The following DHRSX variants were observed in gnomAD, a reference collection of about 807,000 sequenced individuals.
DHRSX encodes polyprenol dehydrogenase.
In DHRSX, 31 loss-of-function variants were observed where a neutral mutation model predicts 34.0. That is an observed-to-expected ratio of 0.91 (90% confidence interval 0.69 to 1.23). The LOEUF (loss-of-function observed/expected upper bound fraction) is 1.23, where lower values mean the gene tolerates loss of function less well. Among genes scored for constraint, DHRSX ranks in the 50% most tolerant of loss-of-function variants. The pLI is 0.00. For missense variants in DHRSX, 414 were observed against 428.1 expected, an observed-to-expected ratio of 0.97 and a Z score of 0.29; for synonymous variants, 201 against 183.8, an observed-to-expected ratio of 1.09 and a Z score of -0.76.
chrX:2,264,185 A>G (rs2041404889), intron 5 of DHRSX, among the ~76,000 whole-genome samples: 1 of 152,240 alleles, frequency 6.6e-6, no homozygotes. Flanking sequence ...TGCCCGGCAG[A>G]TGCAGGCAGC....
intron 3 of DHRSX, among the ~76,000 whole-genome samples, chrX:2,343,318 T>A (rs990587434): frequency 6.6e-6 from 1 of 152,194 alleles, no homozygotes; most frequent in South Asian, 2.1e-4. Context: ...TCAAGTGACA[T>A]TTCATGCTTC....
At chrX:2,428,584 A>C (rs1277314366) in intron 1 of DHRSX, among the ~76,000 whole-genome samples, 4 of 152,094 alleles carry the variant, frequency 2.6e-5, no homozygotes, top group Admixed American at 6.6e-5. Context: ...AACACATGGA[A>C]ACAGGGAGGG....
intron 6 of DHRSX, among the ~76,000 whole-genome samples, chrX:2,231,231 T>C (rs776323358): frequency 6.6e-6 from 1 of 152,208 alleles, no homozygotes; most frequent in African/African-American, 2.4e-5. Context: ...AGAGAGTCCA[T>C]CACAGACATA....
At chrX:2,288,233 G>A (rs1397019662) in intron 4 of DHRSX, among the ~76,000 whole-genome samples, 1 of 152,046 alleles carries the variant, frequency 6.6e-6, no homozygotes, top group Non-Finnish European at 1.5e-5. Context: ...TGCTGGCTTT[G>A]TTGTTGTTTT....
intron 3 of DHRSX, among the ~76,000 whole-genome samples, chrX:2,371,532 C>G (rs952713795): frequency 1.4e-4 from 11 of 80,040 alleles, no homozygotes; most frequent in Admixed American, 1.2e-3. Context: ...TCCTCCGTTA[C>G]CATAGTCCGT....
At chrX:2,480,759 C>T (rs1223318809) in intron 1 of DHRSX, among the ~76,000 whole-genome samples, 9 of 151,892 alleles carry the variant, frequency 5.9e-5, no homozygotes, top group Non-Finnish European at 1.2e-4. Flanking sequence ...TGGAGGCTGC[C>T]ATGAGCTATG....
chrX:2,309,677 G>A (rs2042140982), intron 3 of DHRSX, among the ~76,000 whole-genome samples: 2 of 152,108 alleles, frequency 1.3e-5, no homozygotes, highest in South Asian at 2.1e-4. Context: ...TTGAGAGGCC[G>A]AGGTGGGAGG....
intron 5 of DHRSX, among the ~76,000 whole-genome samples, chrX:2,259,291 T>C (rs2041322574): frequency 6.9e-6 from 1 of 145,910 alleles, no homozygotes; most frequent in African/African-American, 2.5e-5. Flanking sequence ...AATATATAGA[T>C]AGATATATAG....
intron 2 of DHRSX, among the ~76,000 whole-genome samples, chrX:2,410,946 A>T (rs2043619301): frequency 6.6e-6 from 1 of 152,230 alleles, no homozygotes; most frequent in South Asian, 2.1e-4. Context: ...GAAACAGAAC[A>T]TGATACCATT....
intron 1 of DHRSX, among the ~76,000 whole-genome samples, chrX:2,451,300 C>T (rs1015556203): frequency 6.6e-6 from 1 of 151,958 alleles, no homozygotes; most frequent in African/African-American, 2.4e-5. Context: ...GATGCAAGCC[C>T]CTTCCACCCT....
chrX:2,382,741 CCAT>C (rs1362040250), intron 3 of DHRSX, among the ~76,000 whole-genome samples: 5 of 12,916 alleles, frequency 3.9e-4, no homozygotes, highest in Non-Finnish European at 6.2e-4. Context: ...ATCATCATCG[CCAT>C]CATCATCACT....
intron 6 of DHRSX, among the ~76,000 whole-genome samples, chrX:2,233,271 G>GC: frequency 6.6e-6 from 1 of 152,130 alleles, no homozygotes; most frequent in African/African-American, 2.4e-5. Context: ...GCTTGGTGAC[G>GC]CCTTGTGCAG....
chrX:2,335,442 T>A (rs1316998232), intron 3 of DHRSX, among the ~76,000 whole-genome samples: 1 of 131,960 alleles, frequency 7.6e-6, no homozygotes. Flanking sequence ...CATTCATTAT[T>A]TTTTTGGGGT....
At chrX:2,320,146 T>C (rs2042290708) in intron 3 of DHRSX, among the ~76,000 whole-genome samples, 1 of 151,256 alleles carries the variant, frequency 6.6e-6, no homozygotes, top group African/African-American at 2.4e-5. Context: ...CTGTATTTTG[T>C]GCCACGTGAT....
At chrX:2,396,249 C>T (rs1484673178) in intron 3 of DHRSX, among the ~76,000 whole-genome samples, 1 of 152,160 alleles carries the variant, frequency 6.6e-6, no homozygotes, top group Non-Finnish European at 1.5e-5. Flanking sequence ...TAACTAATTA[C>T]ATCTGCAAAG....
At chrX:2,479,893 A>C in intron 1 of DHRSX, among the ~76,000 whole-genome samples, 1 of 152,326 alleles carries the variant, frequency 6.6e-6, no homozygotes, top group South Asian at 2.1e-4. Context: ...GATGTTCCCT[A>C]AGCATGTGGC....
intron 5 of DHRSX, among the ~76,000 whole-genome samples, chrX:2,252,149 A>G (rs143776636): frequency 0.1 from 15,740 of 152,046 alleles, 2,490 homozygotes; most frequent in African/African-American, 0.34. Flanking sequence ...GAGGCAGGAG[A>G]ATCCTTGAAC....
At chrX:2,357,076 T>C (rs2042863782) in intron 3 of DHRSX, among the ~76,000 whole-genome samples, 1 of 152,052 alleles carries the variant, frequency 6.6e-6, no homozygotes, top group Non-Finnish European at 1.5e-5. Context: ...AAACCCCGTC[T>C]CTACTGAAAA....
At chrX:2,256,492 C>T (rs1026460402) in intron 5 of DHRSX, among the ~76,000 whole-genome samples, 15 of 152,204 alleles carry the variant, frequency 9.9e-5, no homozygotes, top group African/African-American at 3.6e-4. Flanking sequence ...GACGGGGTTT[C>T]CCCATGTTGA....
Sources: allele counts gnomAD v4.1 joint callset (sites outside exome capture counted in the v4.1 genomes callset), GRCh38; gene constraint gnomAD v4.1.1; transcripts MANE v1.5; gene names NCBI Gene and HGNC (gene_info 2026-07-23, HGNC 2026-07-21).